Variants in FOXN3 observed in about 807,000 individuals in gnomAD.
The protein encoded by FOXN3 is forkhead box protein N3.
FOXN3 carries 7 observed loss-of-function variants against 38.4 expected under a neutral mutation model. The observed-to-expected ratio is 0.18, with a 90% CI of 0.10 to 0.34. The LOEUF is 0.34. Ranked by LOEUF, FOXN3 falls within the 10% of genes least tolerant of loss-of-function variation. FOXN3 has a pLI of 1.00. For missense variants in FOXN3, 456 were observed against 613.4 expected, an observed-to-expected ratio of 0.74 and a Z score of 2.71; for synonymous variants, 230 against 242.2, an observed-to-expected ratio of 0.95 and a Z score of 0.47.
chr14:89,329,855 CAAAAAAAAAAAAAAAAAAA>C (rs57791098), intron 3 of FOXN3, among the ~76,000 whole-genome samples: 12 of 59,840 alleles, frequency 2.0e-4, no homozygotes, highest in African/African-American at 2.4e-4. Context: ...GACTCAGTCT[CAAAAAAAAAAAAAAAAAAA>C]AAAAAAAAAA....
intron 1 of FOXN3, among the ~76,000 whole-genome samples, chr14:89,434,719 C>G (rs1235739538): frequency 6.6e-6 from 1 of 152,124 alleles, no homozygotes; most frequent in Non-Finnish European, 1.5e-5. Context: ...TTGCCTGCTC[C>G]CAAACCACCA....
intron 3 of FOXN3, among the ~76,000 whole-genome samples, chr14:89,346,010 G>A (rs946194224): frequency 6.6e-5 from 10 of 152,176 alleles, no homozygotes; most frequent in Non-Finnish European, 1.0e-4. Flanking sequence ...CCGAGATCGC[G>A]GCACTGCACT....
At chr14:89,277,173 G>GA (rs1886322995) in intron 4 of FOXN3, among the ~76,000 whole-genome samples, 3 of 152,208 alleles carry the variant, frequency 2.0e-5, no homozygotes. Context: ...AACAAAATAA[G>GA]AGAGATTAGT....
intron 2 of FOXN3, among the ~76,000 whole-genome samples, chr14:89,363,954 A>ATATATATATATATATATATAT (rs1889995807): frequency 3.8e-4 from 1 of 2,644 alleles, no homozygotes; most frequent in African/African-American, 4.9e-4. Flanking sequence ...TAAAATATAT[A>ATATATATATATATATATATAT]TATATATATA....
rs560356079 is a variant in FOXN3 at position 89,266,325 on chromosome 14, C to CATT, written c.745+14622_745+14624dup. Among the ~76,000 whole-genome samples the CATT allele has an allele frequency of 2.8e-4, 42 of 152,240 alleles. 1 individual carries two copies. The East Asian group carries it at 7.5e-3, about 27-fold the overall frequency. On this transcript the variant is annotated intron_variant, in intron 4 of 5. Transcript: ENST00000557258. Reference sequence around the variant, plus strand: ...ACGTGGCCTTTCCTCAGTACATGTACATTCCTGGTATCTCTTCTTACAAAG... The same window carrying CATT: ...ACGTGGCCTTTCCTCAGTACATGTACATTATTCCTGGTATCTCTTCTTACAAAG...
At chr14:89,610,843 T>C (rs530431460) in intron 1 of FOXN3, among the ~76,000 whole-genome samples, 1 of 152,368 alleles carries the variant, frequency 6.6e-6, no homozygotes, top group East Asian at 1.9e-4. Context: ...CCCCGATTTG[T>C]GCATATGTCT....
chr14:89,378,627 A>G (rs1282534089), intron 2 of FOXN3, among the ~76,000 whole-genome samples: 1 of 151,966 alleles, frequency 6.6e-6, no homozygotes. Context: ...TCCCTTTTGG[A>G]ACAAAAAAAA....
chr14:89,194,177 AT>A (rs1177423563), intron 4 of FOXN3, among the ~76,000 whole-genome samples: 1 of 151,982 alleles, frequency 6.6e-6, no homozygotes, highest in African/African-American at 2.4e-5. Context: ...GAAGTCTTTA[AT>A]TTTTTAGTCC....
chr14:89,371,732 C>G (rs1039614195), intron 2 of FOXN3, among the ~76,000 whole-genome samples: 2 of 152,066 alleles, frequency 1.3e-5, no homozygotes, highest in African/African-American at 2.4e-5. Context: ...CCAGAGCAAG[C>G]AGAGAGGGGA....
In FOXN3 at chr14:89,162,854, C is replaced by A; in HGVS notation, c.967G>T (p.Ala323Ser). Residue 323 changes from alanine to serine, a missense_variant, in exon 6 of 6, where the codon GCC becomes TCC. Ala to Ser is a moderately conservative substitution (Grantham distance 99, BLOSUM62 1). Around this residue, in one of 3 missense-constraint regions of FOXN3, gnomAD observed 386 missense variants for 505.2 expected, o/e 0.76. Transcript: ENST00000557258. This position sits in a 1 kb window ranked among gnomAD's most constrained non-coding sequence, Gnocchi z 7.2. ...TCGCTGGTGGGCGAGGTGCTCCGGG[C>A]GTTGGAGGACTTGGCACTGCTGTAG... ...HNYSSAKSSN[A>S]RSTSPTSDSI... 6.2e-7 allele frequency: 1 copy of A among 1,611,502 alleles called. No individual in the cohort carries two copies. Among genetic ancestry groups the A allele is most frequent in the South Asian group, 1.1e-5 (1 of 91,036 alleles).
At chr14:89,400,177 C>T (rs1021219656) in intron 2 of FOXN3, 1 of 152,204 alleles carries the variant, frequency 6.6e-6, no homozygotes, top group African/African-American at 2.4e-5. Flanking sequence ...GAGAGGGTCT[C>T]CCTCTAAATG....
rs1339167720 is a variant in FOXN3, at chr14:89,485,771, G to T, written c.-14-73281C>A. ...GACGGGGAGTCTGGTTCTGGGTGGG[G>T]CAGAAGATCTGGGTCCTCTAGACCT... On this transcript the variant is annotated intron_variant, in intron 1 of 6. Coordinates refer to the FOXN3 transcript ENST00000345097. Among the ~76,000 whole-genome samples the T allele has an allele frequency of 2.6e-5, 4 of 152,100 alleles. No individual in the cohort carries two copies. The East Asian group carries it at 7.7e-4, about 29-fold the overall frequency.
At chr14:89,198,132 T>C (rs1390026923) in intron 4 of FOXN3, among the ~76,000 whole-genome samples, 1 of 152,214 alleles carries the variant, frequency 6.6e-6, no homozygotes, top group East Asian at 1.9e-4. Flanking sequence ...AATGTTACAC[T>C]GTTGCTGACA....
At position 89,177,831 on chromosome 14, in the gene FOXN3, C is replaced by A. The variant is rs185327103; in HGVS notation, c.851+2870G>T. Among the ~76,000 whole-genome samples, 25 of 152,254 alleles carry A rather than the reference C, an allele frequency of 1.6e-4. No individual in the cohort carries two copies. In the East Asian group the frequency reaches 4.6e-3, roughly 28 times the overall value. ...GCTGCTTCCTAGTCCCTGCCCCCCA[C>A]GCAAAGGTGAGTTTCAGCTCCATGG... On this transcript the variant is annotated intron_variant, in intron 5 of 5. Transcript: ENST00000557258.
At chr14:89,336,216 C>CTCCATCCATTCATCCA (rs1888454199) in intron 3 of FOXN3, among the ~76,000 whole-genome samples, 2 of 143,038 alleles carry the variant, frequency 1.4e-5, no homozygotes. Context: ...CTAACGGTGC[C>CTCCATCCATTCATCCA]TCCATCCATC....
intron 1 of FOXN3, among the ~76,000 whole-genome samples, chr14:89,513,229 T>G (rs1264003592): frequency 6.6e-6 from 1 of 151,578 alleles, no homozygotes; most frequent in African/African-American, 2.4e-5. Flanking sequence ...CCAAATGTGA[T>G]TTCCACAGTC....
At chr14:89,318,369 G>A (rs1267352557) in intron 3 of FOXN3, among the ~76,000 whole-genome samples, 1 of 151,964 alleles carries the variant, frequency 6.6e-6, no homozygotes, top group Non-Finnish European at 1.5e-5. Flanking sequence ...ATGTTGACCA[G>A]GCTGGTCTCA....
In FOXN3 at chr14:89,157,839, C is replaced by T. The variant is rs937942766; in HGVS notation, c.*4575G>A. On this transcript the variant is annotated 3_prime_UTR_variant, in exon 6 of 6. Coordinates refer to ENST00000557258, the MANE Select transcript of FOXN3 (RefSeq NM_005197.4). ...TATAGTATTGGTGGGCTGGGACCTA[C>T]GACACTAAGGACTTAACTGTCAACA... 3.3e-5 allele frequency: 5 copies of T among 152,466 alleles called. No individual in the cohort carries two copies. Among genetic ancestry groups the T allele is most frequent in the African/African-American group, 7.2e-5 (3 of 41,380 alleles). The allele number at this position is 152,466 out of a possible 1,614,324, so 9.4% of individuals were successfully genotyped here.
At chr14:89,332,957 T>C (rs1435299208) in intron 3 of FOXN3, among the ~76,000 whole-genome samples, 1 of 152,110 alleles carries the variant, frequency 6.6e-6, no homozygotes, top group Non-Finnish European at 1.5e-5. Context: ...GACACACAAA[T>C]ATCCAGCAGG....
Sources: allele counts gnomAD v4.1 joint callset (sites outside exome capture counted in the v4.1 genomes callset), GRCh38; gene constraint gnomAD v4.1.1; regional missense constraint gnomAD v4.1.1; non-coding constraint Gnocchi (gnomAD v3.1); transcripts MANE v1.5; gene names NCBI Gene and HGNC (gene_info 2026-07-23, HGNC 2026-07-21).